Variants in SULF2 observed in about 807,000 individuals in gnomAD.
The protein encoded by SULF2 is extracellular sulfatase Sulf-2.
Under a neutral mutation model 107.7 loss-of-function variants are expected in SULF2, and 52 were observed. The observed-to-expected ratio is 0.48, with a 90% CI of 0.39 to 0.61. SULF2 has a LOEUF of 0.61. Among genes scored for constraint, SULF2 ranks in the 20% least tolerant of loss-of-function variants. The pLI, the probability that SULF2 is intolerant of heterozygous loss-of-function variation, is 0.00. For synonymous variants in SULF2, 460 were observed against 464.3 expected, an observed-to-expected ratio of 0.99 and a Z score of 0.12; for missense variants, 993 against 1,177.3, an observed-to-expected ratio of 0.84 and a Z score of 2.29.
chr20:47,690,763 G>A (rs1602655290), intron 4 of SULF2, among the ~76,000 whole-genome samples: 1 of 151,612 alleles, frequency 6.6e-6, no homozygotes, highest in African/African-American at 2.4e-5. Flanking sequence ...CAGCTACTCA[G>A]AAGGCTGAGG....
chr20:47,738,117 G>C (rs967281963), intron 2 of SULF2, among the ~76,000 whole-genome samples: 4 of 152,328 alleles, frequency 2.6e-5, no homozygotes, highest in Admixed American at 1.3e-4. Context: ...AAGGAAGGAA[G>C]GAAGCAAATG....
chr20:47,749,251 C>T (rs921869116), intron 2 of SULF2, among the ~76,000 whole-genome samples: 4 of 152,196 alleles, frequency 2.6e-5, no homozygotes, highest in African/African-American at 9.7e-5. Context: ...ATAATTCTGT[C>T]TTGTTTAAGC....
chr20:47,758,236 T>C lies in SULF2; in HGVS notation c.-100-773A>G, dbSNP rs962865977. ...CAGGCTGGAGTGCAATGACGCCATC[T>C]GGGCTCACTGCGACCTCTGCCTCCT... On this transcript the variant is annotated intron_variant, in intron 1 of 20. Transcript: ENST00000688720. 4.0e-5 allele frequency among the ~76,000 whole-genome samples: 6 copies of C among 149,562 alleles called. No individual in the cohort carries two copies. The East Asian group carries it at 1.2e-3, about 30-fold the overall frequency.
intron 3 of SULF2, 62 bp from the exon 4 acceptor site, chr20:47,702,732 A>G: frequency 6.4e-7 from 1 of 1,561,520 alleles, no homozygotes; most frequent in Non-Finnish European, 8.7e-7. Context: ...TTATTAAACT[A>G]TTGTGTGTCC....
At chr20:47,707,200 G>A (rs2088773451) in intron 3 of SULF2, among the ~76,000 whole-genome samples, 1 of 152,064 alleles carries the variant, frequency 6.6e-6, no homozygotes, top group South Asian at 2.1e-4. Flanking sequence ...TGTTGGCCAA[G>A]GTGGTCTTTA....
intron 3 of SULF2, among the ~76,000 whole-genome samples, chr20:47,730,759 C>T (rs1033569252): frequency 6.6e-6 from 1 of 151,502 alleles, no homozygotes; most frequent in Non-Finnish European, 1.5e-5. Context: ...GCTGATGTTA[C>T]TTTTTTTTTG....
chr20:47,746,996 T>A (rs201348120), intron 2 of SULF2, among the ~76,000 whole-genome samples: 13,880 of 120,410 alleles, frequency 0.12, 858 homozygotes, highest in African/African-American at 0.17. Context: ...AAAAAAAAAA[T>A]ATATATATAT....
chr20:47,665,380 GT>G, intron 13 of SULF2, 87 bp from the exon 14 acceptor site: 4 of 907,722 alleles, frequency 4.4e-6, no homozygotes, highest in Non-Finnish European at 7.4e-6. Flanking sequence ...ACGCTGCCGT[GT>G]CTGTGCTCAG....
At chr20:47,737,074 A>C in intron 2 of SULF2, 132 bp from the exon 3 acceptor site, 1 of 1,331,742 alleles carries the variant, frequency 7.5e-7, no homozygotes, top group South Asian at 1.4e-5. Flanking sequence ...CAGACGGGGC[A>C]GGGGCCACTG....
chr20:47,678,431 G>A lies in SULF2; in HGVS notation c.1193+245C>T. On this transcript the variant is annotated intron_variant, in intron 8 of 20. Coordinates refer to ENST00000688720, the MANE Select transcript of SULF2 (RefSeq NM_001387048.1). This position sits in a 1 kb window ranked among gnomAD's most constrained non-coding sequence, Gnocchi z 4.5. Reference sequence around the variant, plus strand: ...ACTGCTGCTATCATTTCAAGCTTTGGGTAATTTTAGCTCAGAGAAGGTCCC... The same window carrying A: ...ACTGCTGCTATCATTTCAAGCTTTGAGTAATTTTAGCTCAGAGAAGGTCCC... 1 of 508,826 alleles carries A rather than the reference G, an allele frequency of 2.0e-6. No individual in the cohort carries two copies. The highest frequency in any genetic ancestry group is 2.3e-5 in the South Asian group (1 of 43,272). 31.5% of individuals were successfully genotyped at this position (508,826 alleles called of 1,614,324 possible).
rs2146787475 is a variant in SULF2, at chr20:47,736,791, G to A, written c.327C>T (p.Asn109=). The A allele has an allele frequency of 6.2e-7, 1 of 1,614,216 alleles. No individual in the cohort carries two copies. Residue 109 remains asparagine, a synonymous_variant, in exon 3 of 21, where the codon AAC becomes AAT. Transcript: ENST00000688720. ...AGGAGGGCGAGGAGCAGTTCTCATT[G>A]TTGGTGTAGGTGTTGTGGTTGTGGA... The part of the protein sequence containing the change: ...KYVHNHNTYT[N]NENCSSPSWQ...
At chr20:47,734,590 T>C (rs1381978319) in intron 3 of SULF2, among the ~76,000 whole-genome samples, 1 of 152,230 alleles carries the variant, frequency 6.6e-6, no homozygotes, top group Non-Finnish European at 1.5e-5. Flanking sequence ...AGGGAAACTA[T>C]ACAGGGTATG....
At chr20:47,748,399 T>C (rs1335655453) in intron 2 of SULF2, among the ~76,000 whole-genome samples, 1 of 152,236 alleles carries the variant, frequency 6.6e-6, no homozygotes, top group Admixed American at 6.5e-5. Flanking sequence ...CTGCCCTCAC[T>C]GGGACCCTTG....
In SULF2 at chr20:47,702,579, A is replaced by AT. The variant is rs767915835; in HGVS notation, c.506_507insA (p.Phe169LeufsTer3). On this transcript the variant is annotated frameshift_variant, in exon 4 of 21. Coordinates refer to ENST00000688720, the MANE Select transcript of SULF2 (RefSeq NM_001387048.1). LOFTEE classifies it high-confidence loss of function. ...CGTTCCGACACAGCGTGTAGTTATAAAAGCGGGAGTTTTTAAGGAGTCCGA... is the reference window on the plus strand; with the variant it reads ...CGTTCCGACACAGCGTGTAGTTATAATAAGCGGGAGTTTTTAAGGAGTCCGA... 1 of 1,613,540 alleles carries AT rather than the reference A, an allele frequency of 6.2e-7. No homozygotes were observed. Among genetic ancestry groups the AT allele is most frequent in the South Asian group, 1.1e-5 (1 of 91,034 alleles).
intron 1 of SULF2, among the ~76,000 whole-genome samples, chr20:47,764,408 CTG>C (rs1410746719): frequency 1.7e-5 from 2 of 120,016 alleles, no homozygotes; most frequent in Non-Finnish European, 3.5e-5. Flanking sequence ...GTAACAGCCC[CTG>C]TTAGTGCTTT....
intron 1 of SULF2, among the ~76,000 whole-genome samples, chr20:47,783,433 A>T (rs2090866997): frequency 6.6e-6 from 1 of 152,190 alleles, no homozygotes; most frequent in African/African-American, 2.4e-5. Flanking sequence ...TTATCTCCCA[A>T]ATCAGGTCCA....
chr20:47,664,035 C>G, intron 15 of SULF2, 95 bp downstream of exon 15: 2 of 1,355,188 alleles, frequency 1.5e-6, no homozygotes, highest in Non-Finnish European at 2.1e-6. Flanking sequence ...AGGGCCTGGA[C>G]TTCTTTCCTT....
intron 5 of SULF2, among the ~76,000 whole-genome samples, chr20:47,687,776 T>C (rs1379240130): frequency 1.3e-5 from 2 of 151,992 alleles, no homozygotes; most frequent in East Asian, 3.9e-4. Context: ...GGCGCAATCA[T>C]AGCTCACTGC....
At position 47,661,777 on chromosome 20, in the gene SULF2, G is replaced by T; in HGVS notation, c.2490C>A (p.Asp830Glu). 5 of 1,537,844 alleles carry T rather than the reference G, an allele frequency of 3.3e-6. No individual in the cohort carries two copies. Among genetic ancestry groups the T allele is most frequent in the Non-Finnish European group, 4.4e-6 (5 of 1,128,550 alleles). ...CACGTTGGGGTGCCTACTCACCCAG[G>T]TCCATGTTTCGAGTCCGGGGGTTAC... is the stretch of plus-strand genomic sequence containing the variant. ...KQCNPRTRNM[D>E]LGLKDGGSYE... is the part of the protein sequence containing the mutation. Residue 830 changes from aspartate to glutamate, a missense_variant, in exon 18 of 21, where the codon GAC (aspartate) becomes GAA (glutamate). By Grantham distance (45) the Asp-to-Glu change is conservative (BLOSUM62 2). Coordinates refer to ENST00000688720, the MANE Select transcript of SULF2 (RefSeq NM_001387048.1).
Sources: gnomAD v4.1 joint callset for allele counts (sites outside exome capture counted in the v4.1 genomes callset) on GRCh38, gnomAD v4.1.1 for gene constraint, Gnocchi (gnomAD v3.1) non-coding constraint, MANE v1.5 for transcripts, NCBI Gene and HGNC (gene_info 2026-07-23, HGNC 2026-07-21) for gene names.